PDLIM7: variants seen among roughly 807,000 people sequenced by gnomAD.
The protein encoded by PDLIM7 is PDZ and LIM domain protein 7.
A neutral mutation model predicts 53.9 loss-of-function variants in PDLIM7; 37 were observed. The ratio of observed to expected loss-of-function variants is 0.69; its 90% CI spans 0.53 to 0.90. The LOEUF (loss-of-function observed/expected upper bound fraction) is 0.90, where lower values mean the gene tolerates loss of function less well. PDLIM7 is among the 40% of genes least tolerant of loss of function. The probability of loss-of-function intolerance (pLI) is 0.00; values close to 1 mark genes in which losing one functional copy is unlikely to be tolerated. For missense variants in PDLIM7, 617 were observed against 638.5 expected (o/e 0.97, Z 0.36); for synonymous variants, 300 against 261.3 (o/e 1.15, Z -1.43).
chr5:177,486,537 G>T (rs1418485939), intron 10 of PDLIM7, among the ~76,000 whole-genome samples: 1 of 152,196 alleles, frequency 6.6e-6, no homozygotes, highest in Admixed American at 6.5e-5. Context: ...AGCAGACAAG[G>T]TCACAGTGAA....
intron 7 of PDLIM7, 166 bp downstream of exon 7, chr5:177,490,697 GGAAGGAA>G (rs2127412867): frequency 2.2e-6 from 2 of 920,586 alleles, no homozygotes; most frequent in African/African-American, 1.7e-5. Flanking sequence ...AATGAAAGAA[GGAAGGAA>G]GGAGGAAGGG....
intron 2 of PDLIM7, among the ~76,000 whole-genome samples, chr5:177,495,641 TGC>T (rs949432150): frequency 1.3e-5 from 2 of 152,206 alleles, no homozygotes; most frequent in African/African-American, 4.8e-5. Context: ...TTTTCAGCTC[TGC>T]AGACCGCAGC....
intron 9 of PDLIM7, 92 bp downstream of exon 9, chr5:177,489,301 C>T (rs1380704536): frequency 2.1e-6 from 2 of 970,940 alleles, no homozygotes; most frequent in Non-Finnish European, 3.1e-6. Context: ...CTTATTCCCC[C>T]CAGTCGCAGC....
chr5:177,489,811 G>A lies in PDLIM7; in HGVS notation c.594C>T (p.Ala198=), dbSNP rs770579224. ...KKSSQVPRTE[A]PAPASSTPQE... is the part of the protein sequence containing the mutation. ...GGGGTGTAGATGAGGCTGGGGCTGG[G>A]GCTTCTGTCCTGGGCACCTGGCTGC... The change falls in exon 8 of 13, where the codon GCC becomes GCT. Residue 198 remains alanine (A), a synonymous_variant. Transcript: ENST00000355841. The A allele has an allele frequency of 6.3e-6, 10 of 1,584,084 alleles. No homozygotes were observed. Among genetic ancestry groups the A allele is most frequent in the Non-Finnish European group, 8.6e-6 (10 of 1,166,956 alleles).
rs377085044 is a variant in PDLIM7 at position 177,489,578 on chromosome 5, A to G, written c.684T>C (p.Pro228=). 4 of 1,610,062 alleles carry G rather than the reference A, an allele frequency of 2.5e-6. No individual in the cohort carries two copies. Among genetic ancestry groups the G allele is most frequent in the Non-Finnish European group, 3.4e-6 (4 of 1,179,002 alleles). ...PTSRPPWAVD[P]AFAERYAPDK... is the part of the protein sequence containing the mutation. Reference sequence around the variant, plus strand: ...CCGGGGCATAGCGCTCGGCAAACGCAGGGTCCACAGCCCAGGGCGGGCGGC... The same window carrying G: ...CCGGGGCATAGCGCTCGGCAAACGCGGGGTCCACAGCCCAGGGCGGGCGGC... Residue 228 remains proline (P), a synonymous_variant, in exon 9 of 13, where the codon CCT becomes CCC. Transcript: ENST00000355841.
intron 10 of PDLIM7, among the ~76,000 whole-genome samples, chr5:177,486,574 G>A (rs1302389962): frequency 6.6e-6 from 1 of 151,278 alleles, no homozygotes; most frequent in African/African-American, 2.5e-5. Context: ...GCTGGTGGGA[G>A]AGGGGGCTCT....
rs1759078485 is a variant in PDLIM7, at chr5:177,496,487, TC to T, written c.25del (p.Glu9ArgfsTer43). 6.2e-7 allele frequency: 1 copy of T among 1,600,184 alleles called. No homozygotes were observed. The highest frequency in any genetic ancestry group is 1.7e-5 in the Admixed American group (1 of 58,320). Reference sequence around the variant, plus strand: ...CCGGAAGCCCCAAGGTGCTGGCCCCTCCAGCACTACTTTGAAGGAATCCATG... The same window carrying T: ...CCGGAAGCCCCAAGGTGCTGGCCCCTCAGCACTACTTTGAAGGAATCCATG... MDSFKVVL[E>X]GPAPWGFRLQ... On this transcript the variant is annotated frameshift_variant, in exon 2 of 13. Transcript: ENST00000355841. LOFTEE classifies it high-confidence loss of function.
chr5:177,490,712 GGGAA>G (rs573434723), intron 7 of PDLIM7, 154 bp downstream of exon 7: 28,901 of 630,378 alleles, frequency 0.046, 733 homozygotes, highest in East Asian at 0.11. Flanking sequence ...GAAGGAGGAA[GGGAA>G]GGAAGGAAGG....
intron 2 of PDLIM7, among the ~76,000 whole-genome samples, chr5:177,494,671 T>G (rs1758975213): frequency 6.7e-6 from 1 of 150,072 alleles, no homozygotes. Flanking sequence ...AAGACAGCGC[T>G]GGGCGGGTGG....
At position 177,484,153 on chromosome 5, in the gene PDLIM7, T is replaced by G. The variant is rs1758320065; in HGVS notation, c.1088A>C (p.His363Pro). ...MHALKMTWHV[H>P]CFTCAACKTP... ...CTTGCAGGCAGCACAGGTAAAGCAG[T>G]GCACGTGCCAGGTCATCTTCAGGGC... The change falls in exon 11 of 13, where the codon CAC becomes CCC. Residue 363 changes from histidine (H) to proline (P), a missense_variant. By Grantham distance (77) the His-to-Pro change is moderately conservative. Transcript: ENST00000355841. 1.2e-6 allele frequency: 2 copies of G among 1,613,892 alleles called. No individual in the cohort carries two copies. Among genetic ancestry groups the G allele is most frequent in the Non-Finnish European group, 1.7e-6 (2 of 1,179,972 alleles).
At chr5:177,494,971 G>C (rs750277570) in intron 2 of PDLIM7, 4 of 152,320 alleles carry the variant, frequency 2.6e-5, no homozygotes, top group Admixed American at 6.5e-5. Flanking sequence ...TCCAGGGCTG[G>C]GATCAGCTAG....
At chr5:177,488,301 T>C (rs1414780335) in intron 9 of PDLIM7, 53 bp from the exon 10 acceptor site, 1 of 1,477,192 alleles carries the variant, frequency 6.8e-7, no homozygotes, top group African/African-American at 1.4e-5. Flanking sequence ...GGTGGGGGTC[T>C]TGGCCCCCTT....
In PDLIM7 at chr5:177,496,343, T is replaced by TC. The variant is rs1233782568; in HGVS notation, c.96+73dup. ...GCCCCTGACCAGCTCCTGTTAGGAC[T>TC]CCCCCCATCACCCTCTGGAGACCTA... On this transcript the variant is annotated intron_variant, in intron 2 of 12. Transcript: ENST00000355841. The TC allele has an allele frequency of 4.4e-6, 5 of 1,140,690 alleles. No individual in the cohort carries two copies. In the African/African-American group the frequency reaches 4.8e-5, roughly 11 times the overall value. 70.7% of individuals were successfully genotyped at this position (1,140,690 alleles called of 1,614,324 possible).
intron 10 of PDLIM7, among the ~76,000 whole-genome samples, chr5:177,485,196 G>A (rs1581750661): frequency 1.3e-5 from 2 of 152,390 alleles, no homozygotes; most frequent in South Asian, 2.1e-4. Flanking sequence ...AGGCCCAGAA[G>A]GGCAGGAAGC....
rs374703251 is a variant in PDLIM7 at position 177,489,490 on chromosome 5, G to C, written c.772C>G (p.Arg258Gly). The C allele has an allele frequency of 1.2e-6, 2 of 1,607,952 alleles. No individual in the cohort carries two copies. The highest frequency in any genetic ancestry group is 1.7e-6 in the Non-Finnish European group (2 of 1,177,994). The change falls in exon 9 of 13, where the codon CGC becomes GGC. Residue 258 changes from arginine (R) to glycine (G), a missense_variant. By Grantham distance (125) the Arg-to-Gly change is moderately radical. Coordinates refer to ENST00000355841, the MANE Select transcript of PDLIM7 (RefSeq NM_005451.5). ...QPATPTPLQS[R>G]TSIVQAAAGG... ...GCAGCTGCCTGCACAATGGAGGTGC[G>C]GCTCTGCAGCGGCGTGGGCGTGGCC... is the stretch of plus-strand genomic sequence containing the variant.
chr5:177,492,274 C>T (rs1044822410), intron 4 of PDLIM7, 131 bp downstream of exon 4: 61 of 1,213,802 alleles, frequency 5.0e-5, no homozygotes, highest in South Asian at 1.3e-4. Context: ...CCTAGACCCG[C>T]CTTAGCTCCG....
rs751208511 is a variant in PDLIM7 at position 177,489,620 on chromosome 5, G to C, written c.642C>G (p.Thr214=). Residue 214 remains threonine, a synonymous_variant, in exon 9 of 13, where the codon ACC becomes ACG. Transcript: ENST00000355841. ...STPQEPWPGP[T]APSPTSRPPW... is the part of the protein sequence containing the mutation. ...GCGGGCGGCTGGTAGGGCTGGGGGC[G>C]GTAGGGCCTGCCGGGGAAAGTGACT... 1 of 1,592,974 alleles carries C rather than the reference G, an allele frequency of 6.3e-7. No homozygotes were observed. Among genetic ancestry groups the C allele is most frequent in the Non-Finnish European group, 8.5e-7 (1 of 1,171,586 alleles).
In PDLIM7 at chr5:177,496,440, T is replaced by G; in HGVS notation, c.73A>C (p.Asn25His). ...GFRLQGGKDFNVPLSISRLTP... is the reference protein window; with the variant it reads ...GFRLQGGKDFHVPLSISRLTP... ...ACCCGGGAAATGGAGAGGGGCACAT[T>G]GAAGTCCTTGCCCCCTTGCAGCCGG... Residue 25 changes from asparagine to histidine, a missense_variant, in exon 2 of 13, where the codon AAT becomes CAT. Asn to His is a moderately conservative substitution (Grantham distance 68, BLOSUM62 1). Coordinates refer to ENST00000355841, the MANE Select transcript of PDLIM7 (RefSeq NM_005451.5). 6.2e-7 allele frequency: 1 copy of G among 1,600,670 alleles called. No individual in the cohort carries two copies. The highest frequency in any genetic ancestry group is 8.5e-7 in the Non-Finnish European group (1 of 1,173,368).
In PDLIM7 at chr5:177,483,608, C is replaced by G; in HGVS notation, c.*36G>C. On this transcript the variant is annotated 3_prime_UTR_variant, in exon 13 of 13. Coordinates refer to ENST00000355841, the MANE Select transcript of PDLIM7 (RefSeq NM_005451.5). Reference sequence around the variant, plus strand: ...GGGCCACGACTCCAGGCCCCTCAGGCTAGGGGCCACCGCGGCAGCTGTGGG... The same window carrying G: ...GGGCCACGACTCCAGGCCCCTCAGGGTAGGGGCCACCGCGGCAGCTGTGGG... 1 of 1,477,048 alleles carries G rather than the reference C, an allele frequency of 6.8e-7. No homozygotes were observed. The highest frequency in any genetic ancestry group is 9.4e-7 in the Non-Finnish European group (1 of 1,059,034). The allele number at this position is 1,477,048 out of a possible 1,614,324, so 91.5% of individuals were successfully genotyped here. A position where few individuals can be genotyped will look rare whatever the true frequency, so the allele number is the denominator to read the frequency against.
Sources: allele counts gnomAD v4.1 joint callset (sites outside exome capture counted in the v4.1 genomes callset), GRCh38; gene constraint gnomAD v4.1.1; transcripts MANE v1.5; gene names NCBI Gene and HGNC (gene_info 2026-07-23, HGNC 2026-07-21).